Variants in CCSER1 observed in about 807,000 individuals in gnomAD.
CCSER1 encodes the protein coiled-coil serine rich protein 1.
In CCSER1, 41 loss-of-function variants were observed where a neutral mutation model predicts 82.0. That is an observed-to-expected ratio of 0.50 (90% CI 0.39 to 0.65). The LOEUF is 0.65. Ranked by LOEUF, CCSER1 falls within the 30% of genes least tolerant of loss-of-function variation. The pLI, the probability that CCSER1 is intolerant of heterozygous loss-of-function variation, is 0.00. For synonymous variants in CCSER1, 414 were observed against 383.9 expected (o/e 1.08, Z -0.92); for missense variants, 1,119 against 1,064.2 (o/e 1.05, Z -0.72).
intron 7 of CCSER1, among the ~76,000 whole-genome samples, chr4:90,751,630 A>G (rs1748681522): frequency 6.6e-6 from 1 of 152,112 alleles, no homozygotes; most frequent in Non-Finnish European, 1.5e-5. Context: ...TTATTGGATT[A>G]TTGACTTATG....
intron 3 of CCSER1, among the ~76,000 whole-genome samples, chr4:90,336,651 A>C (rs1366801362): frequency 6.6e-6 from 1 of 152,186 alleles, no homozygotes; most frequent in African/African-American, 2.4e-5. Context: ...TATGTGTCCT[A>C]GATTTGTGTC....
At chr4:90,328,804 C>T (rs1444083058) in intron 3 of CCSER1, among the ~76,000 whole-genome samples, 2 of 151,956 alleles carry the variant, frequency 1.3e-5, no homozygotes, top group Non-Finnish European at 2.9e-5. Context: ...TGGCTCTGGT[C>T]CAAGAGGAGC....
rs540478528 is a variant in CCSER1 at position 90,228,328 on chromosome 4, C to A, written c.-41-79916C>A. 9.2e-5 allele frequency among the ~76,000 whole-genome samples: 14 copies of A among 152,316 alleles called. No individual in the cohort carries two copies. The South Asian group carries it at 1.9e-3, about 20-fold the overall frequency. On this transcript the variant is annotated intron_variant, in intron 1 of 10. Coordinates refer to ENST00000509176, the MANE Select transcript of CCSER1 (RefSeq NM_001145065.2). ...GGGTCCCTGACCCCTGACCCCCGAG[C>A]AGCCTAACTGGGAGGCACCCCCCAG...
chr4:90,668,274 C>T (rs1365839014), intron 6 of CCSER1, among the ~76,000 whole-genome samples: 2 of 152,256 alleles, frequency 1.3e-5, no homozygotes, highest in East Asian at 3.9e-4. Flanking sequence ...CAGAAATATA[C>T]TGTGGCTTCT....
chr4:91,556,703 A>G lies in CCSER1; in HGVS notation c.2218-41869A>G, dbSNP rs1385964757. Among the ~76,000 whole-genome samples, 3 of 151,196 alleles carry G rather than the reference A, an allele frequency of 2.0e-5. No individual in the cohort carries two copies. The East Asian group carries it at 5.8e-4, about 29-fold the overall frequency. On this transcript the variant is annotated intron_variant, in intron 10 of 10. Coordinates refer to ENST00000509176, the MANE Select transcript of CCSER1 (RefSeq NM_001145065.2). ...GATGAATGGGCTTTCCTGTGAGAAT[A>G]TTTTCTAATATTTCAGCAACTTTCA...
At chr4:91,002,500 A>T (rs1004539358) in intron 9 of CCSER1, among the ~76,000 whole-genome samples, 1 of 152,142 alleles carries the variant, frequency 6.6e-6, no homozygotes, top group Non-Finnish European at 1.5e-5. Flanking sequence ...CCTGTCTTCA[A>T]GCTCAGAAGT....
chr4:90,863,532 T>G (rs1765350816), intron 8 of CCSER1, among the ~76,000 whole-genome samples: 1 of 151,946 alleles, frequency 6.6e-6, no homozygotes, highest in African/African-American at 2.4e-5. Flanking sequence ...TCCCTCATTT[T>G]TCTTTGCGTT....
chr4:90,650,578 C>T (rs1298244528), intron 6 of CCSER1, among the ~76,000 whole-genome samples: 4 of 152,152 alleles, frequency 2.6e-5, no homozygotes, highest in African/African-American at 9.7e-5. Context: ...CAGGTCCAAC[C>T]TCTTCAACAG....
rs549980877 is a variant in CCSER1 at position 91,034,366 on chromosome 4, G to A, written c.2173-51584G>A. On this transcript the variant is annotated intron_variant, in intron 9 of 10. Coordinates refer to ENST00000509176, the MANE Select transcript of CCSER1 (RefSeq NM_001145065.2). ...TTTTGTTCATGTAATTTGTTTCATTGAGACTACCTTTTTAAATTGTTAAAA... is the reference window on the plus strand; with the variant it reads ...TTTTGTTCATGTAATTTGTTTCATTAAGACTACCTTTTTAAATTGTTAAAA... 5.0e-5 allele frequency among the ~76,000 whole-genome samples: 7 copies of A among 140,160 alleles called. No homozygotes were observed. In the South Asian group the frequency reaches 1.6e-3, roughly 33 times the overall value. 92.0% of individuals were successfully genotyped at this position (140,160 alleles called of 152,430 possible). A position where few individuals can be genotyped will look rare whatever the true frequency, so the allele number is the denominator to read the frequency against.
chr4:90,584,088 T>C (rs1486044879), intron 5 of CCSER1, among the ~76,000 whole-genome samples: 1 of 152,140 alleles, frequency 6.6e-6, no homozygotes, highest in Admixed American at 6.6e-5. Flanking sequence ...CCTATGTAAT[T>C]CCCTAGGACT....
intron 10 of CCSER1, among the ~76,000 whole-genome samples, chr4:91,328,094 G>T (rs2149273121): frequency 6.6e-6 from 1 of 152,240 alleles, no homozygotes; most frequent in South Asian, 2.1e-4. Context: ...CTTAAAAACT[G>T]TCCTAACTTC....
At chr4:91,144,848 T>A (rs2148937663) in intron 10 of CCSER1, among the ~76,000 whole-genome samples, 1 of 152,212 alleles carries the variant, frequency 6.6e-6, no homozygotes, top group East Asian at 1.9e-4. Context: ...TTTTGATTTT[T>A]AAAAAATTTG....
At chr4:91,365,158 C>A (rs1429124411) in intron 10 of CCSER1, among the ~76,000 whole-genome samples, 1 of 152,096 alleles carries the variant, frequency 6.6e-6, no homozygotes, top group Non-Finnish European at 1.5e-5. Context: ...TTATGAGAGG[C>A]TTTCAGTGTA....
intron 10 of CCSER1, among the ~76,000 whole-genome samples, chr4:91,297,405 G>A (rs533116617): frequency 4.7e-4 from 70 of 150,070 alleles, no homozygotes; most frequent in Admixed American, 6.7e-4. Flanking sequence ...GTGTGTGTGT[G>A]TGTGTGTGTG....
Position 90,432,939 on chromosome 4 carries a change from C to T in CCSER1, c.1603+32810C>T, listed in dbSNP as rs954443749. On this transcript the variant is annotated intron_variant, in intron 4 of 10. Coordinates refer to ENST00000509176, the MANE Select transcript of CCSER1 (RefSeq NM_001145065.2). ...CCTACCTAGGTACCTCCCATCTCCA[C>T]GTTTGGTATGTTTTAAAGCTCAGTT... Among the ~76,000 whole-genome samples the T allele has an allele frequency of 2.6e-5, 4 of 152,080 alleles. No individual in the cohort carries two copies. In the South Asian group the frequency reaches 6.2e-4, roughly 24 times the overall value.
chr4:90,808,239 C>T (rs889634676), intron 7 of CCSER1, among the ~76,000 whole-genome samples: 10 of 151,934 alleles, frequency 6.6e-5, no homozygotes, highest in South Asian at 2.1e-4. Flanking sequence ...CAAAAATTAA[C>T]GGAAGATGGA....
chr4:90,168,403 A>C (rs1483478169), intron 1 of CCSER1, among the ~76,000 whole-genome samples: 1 of 151,830 alleles, frequency 6.6e-6, no homozygotes, highest in East Asian at 1.9e-4. Context: ...AGATTGAAAA[A>C]ATTTTCTCCC....
chr4:90,514,009 G>C (rs1029473315), intron 5 of CCSER1, among the ~76,000 whole-genome samples: 2 of 152,122 alleles, frequency 1.3e-5, no homozygotes, highest in African/African-American at 2.4e-5. Flanking sequence ...TGAGAGAATC[G>C]TGGGAGAAGC....
intron 10 of CCSER1, among the ~76,000 whole-genome samples, chr4:91,322,594 A>G (rs1746270489): frequency 1.5e-5 from 1 of 65,016 alleles, no homozygotes; most frequent in South Asian, 4.8e-4. Context: ...GCTCAATAAA[A>G]TTTGGTTAAA....
Sources: gnomAD v4.1 joint callset for allele counts (sites outside exome capture counted in the v4.1 genomes callset) on GRCh38, gnomAD v4.1.1 for gene constraint, MANE v1.5 for transcripts, NCBI Gene and HGNC (gene_info 2026-07-23, HGNC 2026-07-21) for gene names.